SLC9A7: variants seen among roughly 807,000 people sequenced by gnomAD.
SLC9A7 encodes solute carrier family 9 member A7.
In SLC9A7, 19 loss-of-function variants were observed where a neutral mutation model predicts 52.6. That is an observed-to-expected ratio of 0.36 (90% CI 0.25 to 0.53). The LOEUF is 0.53. Ranked by LOEUF, SLC9A7 falls within the 20% of genes least tolerant of loss-of-function variation. The pLI, the probability that SLC9A7 is intolerant of heterozygous loss-of-function variation, is 0.91. For missense variants in SLC9A7, 455 were observed against 597.9 expected (o/e 0.76, Z 2.49); for synonymous variants, 226 against 252.1 (o/e 0.90, Z 0.98).
Position 46,607,220 on chromosome X carries a change from A to C in SLC9A7, c.1930-17T>G. 8.4e-7 allele frequency: 1 copy of C among 1,196,487 alleles called. No homozygotes were observed. The highest frequency in any genetic ancestry group is 1.1e-6 in the Non-Finnish European group (1 of 885,715). On this transcript the variant is annotated splice_polypyrimidine_tract_variant and intron_variant, in intron 16 of 16. Coordinates refer to ENST00000616978, the MANE Select transcript of SLC9A7 (RefSeq NM_001257291.2). ...CTCTTGGTTCTGAAAAGTGCAACCA[A>C]CAACAACAACAAAAATGAGAGACTG...
chrX:46,745,995 A>T (rs73495125), intron 1 of SLC9A7, among the ~76,000 whole-genome samples: 2,470 of 110,599 alleles, frequency 0.022, 59 homozygotes, highest in African/African-American at 0.076. Context: ...CAGTAACTTA[A>T]ATGAAAAATG....
chrX:46,603,993 A>G lies in SLC9A7; in HGVS notation c.*2959T>C, dbSNP rs1362668795. On this transcript the variant is annotated 3_prime_UTR_variant, in exon 17 of 17. Coordinates refer to ENST00000616978, the MANE Select transcript of SLC9A7 (RefSeq NM_001257291.2). ...ATAAGCAAAGCTTTATAAAGACCCA[A>G]CCAAAGACCCAAGCAGCCTATCTCT... is the stretch of plus-strand genomic sequence containing the variant. 1.8e-5 allele frequency: 2 copies of G among 112,629 alleles called. No individual in the cohort carries two copies. The highest frequency in any genetic ancestry group is 9.4e-5 in the Admixed American group (1 of 10,672). 9.3% of individuals were successfully genotyped at this position (112,629 alleles called of 1,213,427 possible).
intron 1 of SLC9A7, among the ~76,000 whole-genome samples, chrX:46,751,248 C>T (rs73200281): frequency 1.8e-5 from 2 of 111,295 alleles, no homozygotes; most frequent in Non-Finnish European, 3.8e-5. Context: ...TGAATCACAA[C>T]GTAGAGACAG....
chrX:46,658,766 G>T (rs1259074716), intron 7 of SLC9A7, among the ~76,000 whole-genome samples: 2 of 111,143 alleles, frequency 1.8e-5, no homozygotes, highest in Non-Finnish European at 3.8e-5. Context: ...AGGACCAGAT[G>T]GATTCACAGC....
intron 15 of SLC9A7, among the ~76,000 whole-genome samples, chrX:46,615,688 C>CTA (rs1000543738): frequency 2.3e-4 from 25 of 107,912 alleles, no homozygotes; most frequent in African/African-American, 8.4e-4. Flanking sequence ...AACCAGTAAG[C>CTA]TATATATATG....
chrX:46,684,342 C>T (rs915758266), intron 1 of SLC9A7, among the ~76,000 whole-genome samples: 129 of 110,816 alleles, frequency 1.2e-3, no homozygotes, highest in African/African-American at 4.0e-3. Context: ...GTAGCTGGGA[C>T]TACAGGCATG....
chrX:46,609,137 A>T (rs1406951570), intron 16 of SLC9A7, among the ~76,000 whole-genome samples: 1 of 111,818 alleles, frequency 8.9e-6, no homozygotes, highest in Non-Finnish European at 1.9e-5. Context: ...TACTGCTTCA[A>T]GGTTTGGAGC....
intron 1 of SLC9A7, among the ~76,000 whole-genome samples, chrX:46,744,348 G>A (rs772019991): frequency 2.0e-4 from 22 of 112,473 alleles, no homozygotes; most frequent in Non-Finnish European, 3.6e-4. Context: ...ATTAGAACAG[G>A]GTTCTACTGG....
chrX:46,702,078 A>G (rs986983606), intron 1 of SLC9A7, among the ~76,000 whole-genome samples: 3 of 111,361 alleles, frequency 2.7e-5, no homozygotes, highest in Non-Finnish European at 3.8e-5. Context: ...GGTATGGATT[A>G]TTAGGTAACC....
At chrX:46,692,381 C>T (rs1235537907) in intron 1 of SLC9A7, among the ~76,000 whole-genome samples, 3 of 111,195 alleles carry the variant, frequency 2.7e-5, no homozygotes, top group Non-Finnish European at 3.8e-5. Context: ...CCACCACAAA[C>T]AGAACCACAG....
chrX:46,709,014 T>C (rs1944648034), intron 1 of SLC9A7, among the ~76,000 whole-genome samples: 1 of 111,201 alleles, frequency 9.0e-6, no homozygotes, highest in Non-Finnish European at 1.9e-5. Context: ...AATAGTATGT[T>C]GTAAGTGGTA....
At chrX:46,646,610 T>C (rs1943496702) in intron 11 of SLC9A7, 1 of 255,816 alleles carries the variant, frequency 3.9e-6, no homozygotes, top group Admixed American at 4.4e-5. Flanking sequence ...CTTTTCTTTA[T>C]CCTGGGCAGC....
chrX:46,662,758 A>G, intron 5 of SLC9A7, 115 bp from the exon 6 acceptor site: 1 of 497,822 alleles, frequency 2.0e-6, no homozygotes, highest in Non-Finnish European at 3.4e-6. Context: ...TTCAAGAGAT[A>G]GCAAGGGAGT....
chrX:46,642,661 C>G (rs1406757698), intron 12 of SLC9A7, among the ~76,000 whole-genome samples: 3 of 111,988 alleles, frequency 2.7e-5, no homozygotes, highest in African/African-American at 9.8e-5. Context: ...AAAAGTCAAA[C>G]TCGTATCAGT....
chrX:46,747,210 G>A (rs1921845236), intron 1 of SLC9A7, among the ~76,000 whole-genome samples: 1 of 111,901 alleles, frequency 8.9e-6, no homozygotes, highest in Non-Finnish European at 1.9e-5. Context: ...AAGAAACAAA[G>A]CCTAGTGTTT....
At chrX:46,608,051 A>G (rs1261497788) in intron 16 of SLC9A7, among the ~76,000 whole-genome samples, 1 of 112,187 alleles carries the variant, frequency 8.9e-6, no homozygotes, top group Non-Finnish European at 1.9e-5. Context: ...GAAGTCCTGC[A>G]TCCTCTTATG....
chrX:46,648,014 A>G (rs1161286095), intron 11 of SLC9A7, among the ~76,000 whole-genome samples: 2 of 112,609 alleles, frequency 1.8e-5, no homozygotes, highest in African/African-American at 6.4e-5. Context: ...CACTCATGCC[A>G]GTTGCTCTCT....
intron 15 of SLC9A7, among the ~76,000 whole-genome samples, 185 bp downstream of exon 15, chrX:46,620,792 C>T (rs1943033413): frequency 8.9e-6 from 1 of 112,354 alleles, no homozygotes; most frequent in Admixed American, 9.4e-5. Flanking sequence ...TTCCTCTTGG[C>T]CAGAGAGATA....
intron 4 of SLC9A7, among the ~76,000 whole-genome samples, chrX:46,670,487 G>A (rs767901769): frequency 9.0e-6 from 1 of 111,448 alleles, no homozygotes; most frequent in African/African-American, 3.3e-5. Context: ...GTATCTGTGC[G>A]TGCATGTGTG....
Sources: allele counts gnomAD v4.1 joint callset (sites outside exome capture counted in the v4.1 genomes callset), GRCh38; gene constraint gnomAD v4.1.1; transcripts MANE v1.5; gene names NCBI Gene and HGNC (gene_info 2026-07-23, HGNC 2026-07-21).